Variants in ADARB2 observed in about 807,000 individuals in gnomAD.
The protein encoded by ADARB2 is inactive double-stranded RNA-specific editase B2.
Under a neutral mutation model 62.2 loss-of-function variants are expected in ADARB2, and 25 were observed. That is an observed-to-expected ratio of 0.40 (90% CI 0.29 to 0.56). The LOEUF (loss-of-function observed/expected upper bound fraction) is 0.56, where lower values mean the gene tolerates loss of function less well. Among genes scored for constraint, ADARB2 ranks in the 20% least tolerant of loss-of-function variants. The pLI, the probability that ADARB2 is intolerant of heterozygous loss-of-function variation, is 0.43. For synonymous variants in ADARB2, 572 were observed against 500.8 expected (o/e 1.14, Z -1.90); for missense variants, 1,071 against 1,077.4 (o/e 0.99, Z 0.08).
chr10:1,369,359 C>T (rs1324024033), intron 2 of ADARB2, among the ~76,000 whole-genome samples: 1 of 152,086 alleles, frequency 6.6e-6, no homozygotes, highest in African/African-American at 2.4e-5. Flanking sequence ...TCACCAGGGT[C>T]TCTACTCAAT....
At chr10:1,270,805 C>T (rs1831253766) in intron 4 of ADARB2, 150 bp downstream of exon 4, 3 of 680,366 alleles carry the variant, frequency 4.4e-6, no homozygotes, top group South Asian at 3.8e-5. Context: ...ATGCTCTGGC[C>T]ACTGATCTCT....
chr10:1,354,803 A>G (rs562649674), intron 3 of ADARB2, among the ~76,000 whole-genome samples: 1 of 152,282 alleles, frequency 6.6e-6, no homozygotes, highest in East Asian at 1.9e-4. Flanking sequence ...TTTTTGGTGT[A>G]ATGATGAGTC....
At chr10:1,292,942 T>C (rs1232092635) in intron 3 of ADARB2, 1 of 75,164 alleles carries the variant, frequency 1.3e-5, no homozygotes, top group Non-Finnish European at 2.5e-5. Flanking sequence ...CATCCTTCCA[T>C]GGAGAGAGGG....
intron 1 of ADARB2, among the ~76,000 whole-genome samples, chr10:1,716,525 G>A (rs1320057681): frequency 1.3e-5 from 2 of 152,164 alleles, no homozygotes; most frequent in African/African-American, 2.4e-5. Flanking sequence ...AGGCATTAAT[G>A]TATCATTCCC....
chr10:1,402,450 G>A (rs2805522), intron 1 of ADARB2, among the ~76,000 whole-genome samples: 9,488 of 152,214 alleles, frequency 0.062, 1,031 homozygotes, highest in African/African-American at 0.22. Context: ...GAATTGGTGC[G>A]TGGTTAGCAT....
At chr10:1,731,212 G>T (rs1420331722) in intron 1 of ADARB2, among the ~76,000 whole-genome samples, 1 of 152,186 alleles carries the variant, frequency 6.6e-6, no homozygotes, top group African/African-American at 2.4e-5. Flanking sequence ...TCATAAACTT[G>T]CAGATGGAGA....
At chr10:1,563,055 G>A (rs1188809096) in intron 1 of ADARB2, among the ~76,000 whole-genome samples, 1 of 152,110 alleles carries the variant, frequency 6.6e-6, no homozygotes, top group Non-Finnish European at 1.5e-5. Context: ...GAGTCCCTGT[G>A]TCCTCCGCAC....
chr10:1,718,471 C>T (rs1193752510), intron 1 of ADARB2, among the ~76,000 whole-genome samples: 2 of 152,212 alleles, frequency 1.3e-5, no homozygotes, highest in East Asian at 1.9e-4. Context: ...CCCGAAATGT[C>T]ACCCTTGCCC....
intron 1 of ADARB2, among the ~76,000 whole-genome samples, chr10:1,395,971 G>A (rs1009685912): frequency 2.6e-5 from 4 of 152,178 alleles, no homozygotes; most frequent in African/African-American, 9.7e-5. Flanking sequence ...CCTGTCCTCC[G>A]CTGACCGGAC....
intron 1 of ADARB2, among the ~76,000 whole-genome samples, chr10:1,478,099 C>T (rs1187219515): frequency 6.6e-6 from 1 of 152,242 alleles, no homozygotes; most frequent in Admixed American, 6.5e-5. Context: ...AAAGGAGACG[C>T]CAGTGCTGCC....
At chr10:1,623,719 A>G (rs1252572638) in intron 1 of ADARB2, among the ~76,000 whole-genome samples, 2 of 151,932 alleles carry the variant, frequency 1.3e-5, no homozygotes, top group African/African-American at 4.8e-5. Context: ...CCTCCCGCCT[A>G]CAGGACCAGG....
At chr10:1,573,261 C>A (rs1588307667) in intron 1 of ADARB2, among the ~76,000 whole-genome samples, 1 of 152,192 alleles carries the variant, frequency 6.6e-6, no homozygotes, top group Admixed American at 6.5e-5. Context: ...TGGGAAAGGA[C>A]AGCTTGGATG....
intron 1 of ADARB2, among the ~76,000 whole-genome samples, chr10:1,533,838 C>T (rs753630071): frequency 3.3e-5 from 5 of 152,134 alleles, no homozygotes; most frequent in Admixed American, 1.3e-4. Context: ...TGTCAGCGGA[C>T]GGGACCCTCA....
chr10:1,243,177 C>T (rs1276091680), intron 4 of ADARB2, among the ~76,000 whole-genome samples: 4 of 152,234 alleles, frequency 2.6e-5, no homozygotes, highest in Admixed American at 1.3e-4. Context: ...CCAGGCCCTT[C>T]GGCTGGAGGT....
intron 1 of ADARB2, among the ~76,000 whole-genome samples, chr10:1,586,719 G>A (rs1027649737): frequency 2.0e-5 from 3 of 152,270 alleles, no homozygotes; most frequent in Non-Finnish European, 4.4e-5. Flanking sequence ...GATTCTCTGC[G>A]ATTATTTAAT....
At chr10:1,552,908 GAACCCTT>G (rs1832648029) in intron 1 of ADARB2, among the ~76,000 whole-genome samples, 1 of 118,692 alleles carries the variant, frequency 8.4e-6, no homozygotes, top group Non-Finnish European at 1.9e-5. Flanking sequence ...CTGTGGAACG[GAACCCTT>G]AATTAATTCG....
intron 1 of ADARB2, among the ~76,000 whole-genome samples, chr10:1,507,262 T>A (rs182887089): frequency 9.2e-5 from 14 of 152,290 alleles, no homozygotes; most frequent in South Asian, 2.1e-4. Flanking sequence ...GGCTCAGATG[T>A]GCTGGCTGTA....
At chr10:1,206,377 C>T (rs1023675275) in intron 7 of ADARB2, among the ~76,000 whole-genome samples, 15 of 151,692 alleles carry the variant, frequency 9.9e-5, no homozygotes, top group African/African-American at 3.6e-4. Context: ...TGGGGCGTCT[C>T]CTTGAACTGG....
At position 1,570,104 on chromosome 10, in the gene ADARB2, C is replaced by A. The variant is rs557024271; in HGVS notation, c.100+166947G>T. Among the ~76,000 whole-genome samples the A allele has an allele frequency of 8.5e-5, 13 of 152,102 alleles. No individual in the cohort carries two copies. The South Asian group carries it at 2.1e-3, about 24-fold the overall frequency. On this transcript the variant is annotated intron_variant, in intron 1 of 9. Coordinates refer to ENST00000381312, the MANE Select transcript of ADARB2 (RefSeq NM_018702.4). Reference sequence around the variant, plus strand: ...TCTCATTCACATACAAACGTATATACGTTAAAATTACCTTAAAACTTCAGT... The same window carrying A: ...TCTCATTCACATACAAACGTATATAAGTTAAAATTACCTTAAAACTTCAGT...
Sources: allele counts gnomAD v4.1 joint callset (sites outside exome capture counted in the v4.1 genomes callset), GRCh38; gene constraint gnomAD v4.1.1; transcripts MANE v1.5; gene names NCBI Gene and HGNC (gene_info 2026-07-23, HGNC 2026-07-21).